Variants in NEGR1 observed in about 807,000 individuals in gnomAD.
NEGR1 encodes IgLON family member 4.
In NEGR1, 10 loss-of-function variants were observed where a neutral mutation model predicts 40.9. The observed-to-expected ratio is 0.24, with a 90% CI of 0.15 to 0.42. The LOEUF (loss-of-function observed/expected upper bound fraction) is 0.42. Ranked by LOEUF, NEGR1 falls within the 10% of genes least tolerant of loss-of-function variation. The pLI, the probability that NEGR1 is intolerant of heterozygous loss-of-function variation, is 1.00. For missense variants in NEGR1, 352 were observed against 438.9 expected, an observed-to-expected ratio of 0.80 and a Z score of 1.77; for synonymous variants, 185 against 166.8, an observed-to-expected ratio of 1.11 and a Z score of -0.84.
intron 1 of NEGR1, among the ~76,000 whole-genome samples, chr1:72,061,398 T>C (rs2100493989): frequency 6.6e-6 from 1 of 151,908 alleles, no homozygotes; most frequent in East Asian, 1.9e-4. Flanking sequence ...TTATTTTAGA[T>C]ATTTAATGGG....
chr1:72,014,551 G>A (rs1302257019), intron 1 of NEGR1, among the ~76,000 whole-genome samples: 1 of 151,760 alleles, frequency 6.6e-6, no homozygotes, highest in Non-Finnish European at 1.5e-5. Context: ...AGTTATATTA[G>A]TCAACCAATA....
intron 1 of NEGR1, among the ~76,000 whole-genome samples, chr1:71,978,586 G>GCAT (rs1646326884): frequency 3.3e-5 from 5 of 152,008 alleles, no homozygotes; most frequent in Admixed American, 2.0e-4. Context: ...CATACATGTG[G>GCAT]CATCAAGCAT....
chr1:71,636,773 C>T (rs1418546903), intron 4 of NEGR1, among the ~76,000 whole-genome samples: 1 of 151,896 alleles, frequency 6.6e-6, no homozygotes, highest in East Asian at 1.9e-4. Flanking sequence ...TCAATGGAGA[C>T]CTTAATAATA....
intron 1 of NEGR1, among the ~76,000 whole-genome samples, chr1:72,103,931 G>T (rs1185870476): frequency 6.6e-6 from 1 of 152,066 alleles, no homozygotes; most frequent in Non-Finnish European, 1.5e-5. Flanking sequence ...TAGAAGATCT[G>T]AAGGATTACA....
At chr1:71,861,749 A>G (rs1010071645) in intron 2 of NEGR1, among the ~76,000 whole-genome samples, 1 of 152,140 alleles carries the variant, frequency 6.6e-6, no homozygotes, top group Non-Finnish European at 1.5e-5. Flanking sequence ...TTAGGAGCAT[A>G]ATGCAGTCAC....
intron 3 of NEGR1, among the ~76,000 whole-genome samples, chr1:71,732,050 GC>G (rs1171712083): frequency 6.6e-6 from 1 of 152,096 alleles, no homozygotes; most frequent in East Asian, 1.9e-4. Flanking sequence ...GGGAGTGATG[GC>G]TCACATTTAT....
At chr1:71,931,653 A>G (rs188891632) in intron 2 of NEGR1, among the ~76,000 whole-genome samples, 154 of 152,262 alleles carry the variant, frequency 1.0e-3, no homozygotes, top group Admixed American at 2.6e-3. Context: ...TAGCCCATTC[A>G]TGAGAGCTCT....
chr1:72,128,756 C>T (rs1650127083), intron 1 of NEGR1, among the ~76,000 whole-genome samples: 1 of 152,002 alleles, frequency 6.6e-6, no homozygotes, highest in South Asian at 2.1e-4. Flanking sequence ...TTAACATTGC[C>T]CAAATATTTT....
intron 1 of NEGR1, among the ~76,000 whole-genome samples, chr1:72,223,285 C>G (rs1037093119): frequency 6.6e-6 from 1 of 152,084 alleles, no homozygotes; most frequent in African/African-American, 2.4e-5. Context: ...ATTTGGTAGG[C>G]AGCAATATAA....
chr1:72,260,933 CAT>C (rs1655432214), intron 1 of NEGR1, among the ~76,000 whole-genome samples: 1 of 151,908 alleles, frequency 6.6e-6, no homozygotes, highest in South Asian at 2.1e-4. Flanking sequence ...GAAATGTAAA[CAT>C]AAAATGTCTG....
intron 6 of NEGR1, among the ~76,000 whole-genome samples, chr1:71,474,480 C>T (rs867173017): frequency 6.9e-6 from 1 of 145,738 alleles, no homozygotes; most frequent in Admixed American, 7.0e-5. Context: ...TCGAGATGAG[C>T]CTGGCCAACA....
chr1:71,439,195 T>C (rs932369680), intron 6 of NEGR1, among the ~76,000 whole-genome samples: 8 of 152,138 alleles, frequency 5.3e-5, no homozygotes, highest in Admixed American at 2.0e-4. Flanking sequence ...AGGGGTGTAA[T>C]AGATTCTGAA....
At chr1:72,054,787 C>T (rs887912652) in intron 1 of NEGR1, among the ~76,000 whole-genome samples, 1 of 151,056 alleles carries the variant, frequency 6.6e-6, no homozygotes, top group African/African-American at 2.4e-5. Flanking sequence ...CATATATCCA[C>T]ATATATATGG....
intron 1 of NEGR1, chr1:72,274,968 G>T (rs1350869011): frequency 6.6e-7 from 1 of 1,520,688 alleles, no homozygotes; most frequent in Non-Finnish European, 9.1e-7. Flanking sequence ...CAGCACAAGG[G>T]AAGTACATTG....
intron 6 of NEGR1, among the ~76,000 whole-genome samples, chr1:71,427,098 T>A (rs1517763): frequency 5.3e-5 from 8 of 152,152 alleles, no homozygotes; most frequent in Non-Finnish European, 1.2e-4. Flanking sequence ...TAAAAATGTC[T>A]GTACCTGTAT....
At chr1:71,922,221 G>A (rs980008489) in intron 2 of NEGR1, among the ~76,000 whole-genome samples, 12 of 152,080 alleles carry the variant, frequency 7.9e-5, no homozygotes, top group Admixed American at 1.3e-4. Flanking sequence ...AGGAGACACC[G>A]CCTGTGACAA....
At chr1:72,063,879 A>AT (rs1553135870) in intron 1 of NEGR1, among the ~76,000 whole-genome samples, 1 of 151,334 alleles carries the variant, frequency 6.6e-6, no homozygotes, top group Non-Finnish European at 1.5e-5. Flanking sequence ...TACTCAGAGA[A>AT]CCCCCCTGTA....
At chr1:71,773,425 A>G (rs188058465) in intron 3 of NEGR1, among the ~76,000 whole-genome samples, 1 of 152,188 alleles carries the variant, frequency 6.6e-6, no homozygotes, top group Non-Finnish European at 1.5e-5. Context: ...TTCTTTCATA[A>G]TATAGCAAAA....
At chr1:71,680,840 C>T (rs1211567354) in intron 4 of NEGR1, among the ~76,000 whole-genome samples, 1 of 152,160 alleles carries the variant, frequency 6.6e-6, no homozygotes, top group East Asian at 1.9e-4. Context: ...AATATCTTTT[C>T]CTTATAACAG....
Sources: gnomAD v4.1 joint callset for allele counts (sites outside exome capture counted in the v4.1 genomes callset) on GRCh38, gnomAD v4.1.1 for gene constraint, MANE v1.5 for transcripts, NCBI Gene and HGNC (gene_info 2026-07-23, HGNC 2026-07-21) for gene names.